GADL1: variants seen among roughly 807,000 people sequenced by gnomAD.
GADL1 encodes the protein acidic amino acid decarboxylase GADL1.
In GADL1, 71 loss-of-function variants were observed where a neutral mutation model predicts 69.5. The ratio of observed to expected loss-of-function variants is 1.02; its 90% CI spans 0.84 to 1.25. The LOEUF is 1.25. Ranked by LOEUF, GADL1 falls within the 50% of genes most tolerant of loss-of-function variation. GADL1 has a pLI of 0.00. For missense variants in GADL1, 737 were observed against 631.8 expected, an observed-to-expected ratio of 1.17 and a Z score of -1.79; for synonymous variants, 254 against 214.4, an observed-to-expected ratio of 1.18 and a Z score of -1.62.
intron 1 of GADL1, among the ~76,000 whole-genome samples, chr3:30,870,238 A>G (rs1698461553): frequency 6.6e-6 from 1 of 151,870 alleles, no homozygotes; most frequent in South Asian, 2.1e-4. Context: ...GAATAAGGAC[A>G]AGGAGCTATT....
Position 30,726,811 on chromosome 3 carries a change from C to A in GADL1, c.*1431G>T, listed in dbSNP as rs950957940. 3 of 152,252 alleles carry A rather than the reference C, an allele frequency of 2.0e-5. No homozygotes were observed. The highest frequency in any genetic ancestry group is 7.2e-5 in the African/African-American group (3 of 41,388). The allele number at this position is 152,252 out of a possible 1,614,324, so 9.4% of individuals were successfully genotyped here. A position where few individuals can be genotyped will look rare whatever the true frequency, so the allele number is the denominator to read the frequency against. Reference sequence around the variant, plus strand: ...GAATTCTGTCAATTTCTTAGTTAAACAAAACTCTCCTAGAAACCTAGGACC... The same window carrying A: ...GAATTCTGTCAATTTCTTAGTTAAAAAAAACTCTCCTAGAAACCTAGGACC... On this transcript the variant is annotated 3_prime_UTR_variant, in exon 15 of 15. Transcript: ENST00000282538.
At chr3:30,822,951 C>T (rs532194350) in intron 11 of GADL1, among the ~76,000 whole-genome samples, 1 of 152,042 alleles carries the variant, frequency 6.6e-6, no homozygotes, top group East Asian at 1.9e-4. Context: ...TAAACAAATG[C>T]TTATTTCCAG....
intron 13 of GADL1, among the ~76,000 whole-genome samples, chr3:30,786,055 C>T (rs1019175472): frequency 2.0e-5 from 3 of 152,156 alleles, no homozygotes; most frequent in African/African-American, 2.4e-5. Context: ...TGAATATTTG[C>T]AGTACAATCA....
At chr3:30,751,362 A>T (rs76584952) in intron 14 of GADL1, among the ~76,000 whole-genome samples, 1 of 151,864 alleles carries the variant, frequency 6.6e-6, no homozygotes, top group African/African-American at 2.4e-5. Flanking sequence ...GTTTGTTTCT[A>T]TTCTGTGAGT....
chr3:30,761,444 G>A (rs942069667), intron 14 of GADL1, among the ~76,000 whole-genome samples: 2 of 151,086 alleles, frequency 1.3e-5, no homozygotes, highest in African/African-American at 2.4e-5. Context: ...ACACATTTTC[G>A]CAGTCAATTA....
chr3:30,774,938 A>G (rs1335217161), intron 14 of GADL1, among the ~76,000 whole-genome samples: 1 of 152,122 alleles, frequency 6.6e-6, no homozygotes, highest in Non-Finnish European at 1.5e-5. Flanking sequence ...TAAACTGGAA[A>G]AGGAGATGGC....
At chr3:30,812,521 TAAGAATA>T (rs1697377364) in intron 11 of GADL1, among the ~76,000 whole-genome samples, 1 of 152,170 alleles carries the variant, frequency 6.6e-6, no homozygotes, top group Non-Finnish European at 1.5e-5. Context: ...CTCCCTATTA[TAAGAATA>T]GCATGGGAAA....
At chr3:30,762,582 G>A (rs1013678937) in intron 14 of GADL1, among the ~76,000 whole-genome samples, 1 of 152,100 alleles carries the variant, frequency 6.6e-6, no homozygotes, top group African/African-American at 2.4e-5. Flanking sequence ...GAAAAATGAG[G>A]TATACATTCC....
intron 1 of GADL1, among the ~76,000 whole-genome samples, chr3:30,882,705 GTTCTAT>G (rs1575247426): frequency 6.6e-6 from 1 of 151,928 alleles, no homozygotes; most frequent in African/African-American, 2.4e-5. Context: ...GGATATGGTA[GTTCTAT>G]TTCTATTTTT....
intron 14 of GADL1, among the ~76,000 whole-genome samples, chr3:30,752,400 A>T (rs1695845032): frequency 6.6e-6 from 1 of 152,082 alleles, no homozygotes; most frequent in African/African-American, 2.4e-5. Context: ...ATAGACATGT[A>T]TGGTGAAAGA....
intron 11 of GADL1, among the ~76,000 whole-genome samples, chr3:30,831,647 C>T (rs1697794652): frequency 6.6e-6 from 1 of 151,834 alleles, no homozygotes; most frequent in Non-Finnish European, 1.5e-5. Flanking sequence ...GGTAACAACC[C>T]GTATATCATG....
At chr3:30,890,916 CA>C (rs547380179) in intron 1 of GADL1, among the ~76,000 whole-genome samples, 121 of 152,276 alleles carry the variant, frequency 7.9e-4, no homozygotes, top group African/African-American at 2.8e-3. Flanking sequence ...TAATCCTAAA[CA>C]GTAGATATTT....
chr3:30,841,055 G>A (rs2125527131), intron 8 of GADL1, among the ~76,000 whole-genome samples: 1 of 152,298 alleles, frequency 6.6e-6, no homozygotes. Flanking sequence ...ATAGGCCAGG[G>A]AGTTGAATCC....
intron 4 of GADL1, among the ~76,000 whole-genome samples, chr3:30,851,413 C>T (rs1698145331): frequency 1.3e-5 from 2 of 152,188 alleles, no homozygotes; most frequent in Non-Finnish European, 1.5e-5. Flanking sequence ...TGAACCAGGG[C>T]TTCCTCTACT....
chr3:30,756,795 T>TA (rs1695984703), intron 14 of GADL1, among the ~76,000 whole-genome samples: 1 of 152,134 alleles, frequency 6.6e-6, no homozygotes, highest in African/African-American at 2.4e-5. Flanking sequence ...ACCTGACCCA[T>TA]AGCTGATGGC....
intron 8 of GADL1, among the ~76,000 whole-genome samples, chr3:30,843,935 T>A (rs1048198406): frequency 6.6e-6 from 1 of 152,292 alleles, no homozygotes; most frequent in East Asian, 1.9e-4. Context: ...GAATCCTGAA[T>A]ACGGGTGATT....
intron 9 of GADL1, among the ~76,000 whole-genome samples, chr3:30,836,563 G>A (rs1697878071): frequency 6.6e-6 from 1 of 151,934 alleles, no homozygotes; most frequent in Admixed American, 6.6e-5. Flanking sequence ...TATATGTGAG[G>A]CACCACAGTA....
At chr3:30,850,161 C>A (rs749730976) in intron 5 of GADL1, 50 bp from the exon 6 acceptor site, 3 of 985,966 alleles carry the variant, frequency 3.0e-6, no homozygotes, top group East Asian at 2.4e-5. Context: ...AGTTATAGCT[C>A]GCAAAATGCT....
intron 14 of GADL1, among the ~76,000 whole-genome samples, chr3:30,751,411 G>A (rs1387004332): frequency 6.6e-6 from 1 of 151,528 alleles, no homozygotes; most frequent in African/African-American, 2.4e-5. Flanking sequence ...TCCTTACTCC[G>A]TTCTTCTGTT....
Sources: allele counts gnomAD v4.1 joint callset (sites outside exome capture counted in the v4.1 genomes callset), GRCh38; gene constraint gnomAD v4.1.1; transcripts MANE v1.5; gene names NCBI Gene and HGNC (gene_info 2026-07-23, HGNC 2026-07-21).